LIFR: variants seen among roughly 807,000 people sequenced by gnomAD.
The protein encoded by LIFR is leukemia inhibitory factor receptor.
A neutral mutation model predicts 122.2 loss-of-function variants in LIFR; 84 were observed. That is an observed-to-expected ratio of 0.69 (90% CI 0.58 to 0.82). LIFR has a LOEUF of 0.82. Among genes scored for constraint, LIFR ranks in the 40% least tolerant of loss-of-function variants. LIFR has a pLI of 0.00. For missense variants in LIFR, 1,294 were observed against 1,311.6 expected (o/e 0.99, Z 0.21); for synonymous variants, 422 against 434.7 (o/e 0.97, Z 0.36).
chr5:38,571,529 CAA>C lies in LIFR; in HGVS notation c.-20+23730_-20+23731del, dbSNP rs11297745. Among the ~76,000 whole-genome samples, 1,448 of 74,672 alleles carry C rather than the reference CAA, an allele frequency of 0.019. 18 individuals are homozygous for C. The East Asian group carries it at 0.2, about 11-fold the overall frequency. The allele number at this position is 74,672 out of a possible 152,430, so 49.0% of individuals were successfully genotyped here. A position where few individuals can be genotyped will look rare whatever the true frequency, so the allele number is the denominator to read the frequency against. Reference sequence around the variant, plus strand: ...AAGATTGTGCCACTGCATTCCAGCTCAAAAAAAAAAAAAAAAAAAAAAGCACT... The same window carrying C: ...AAGATTGTGCCACTGCATTCCAGCTCAAAAAAAAAAAAAAAAAAAAGCACT... On this transcript the variant is annotated intron_variant, in intron 1 of 19. Transcript: ENST00000263409.
upstream of LIFR, chr5:38,557,447 T>C (rs976163212): frequency 6.5e-6 from 1 of 154,800 alleles, no homozygotes; most frequent in Non-Finnish European, 1.5e-5. Context: ...ATGTTTACGC[T>C]GTATGCCGGA....
intron 3 of LIFR, among the ~76,000 whole-genome samples, chr5:38,527,705 T>TG (rs1746769596): frequency 6.6e-6 from 1 of 152,162 alleles, no homozygotes; most frequent in African/African-American, 2.4e-5. Context: ...GCAACTCCCC[T>TG]GCTCCTCTGC....
rs137889185 is a variant in LIFR at position 38,573,500 on chromosome 5, A to C, written c.-20+21761T>G. 4.5e-4 allele frequency among the ~76,000 whole-genome samples: 69 copies of C among 152,338 alleles called. 1 individual carries two copies. In the East Asian group the frequency reaches 7.9e-3, roughly 17 times the overall value. On this transcript the variant is annotated intron_variant, in intron 1 of 19. Transcript: ENST00000263409. ...AACAAATATTAGCGACTGTTCCTAG[A>C]ATGAAAATCTACTGAAAGAACTAAC...
At chr5:38,539,061 C>T (rs544564172) in intron 1 of LIFR, among the ~76,000 whole-genome samples, 15 of 151,964 alleles carry the variant, frequency 9.9e-5, no homozygotes, top group Non-Finnish European at 1.3e-4. Context: ...CCCGTGTTCA[C>T]GCCATTCTCC....
Position 38,506,604 on chromosome 5 carries a change from A to G in LIFR, c.1020T>C (p.Asn340=). 6.2e-7 allele frequency: 1 copy of G among 1,613,650 alleles called. No individual in the cohort carries two copies. The highest frequency in any genetic ancestry group is 2.2e-5 in the East Asian group (1 of 44,868). Residue 340 remains asparagine (N), a synonymous_variant, in exon 8 of 20, where the codon AAT becomes AAC. Transcript: ENST00000453190. ...TTTCTTTTAAATCATGTGTCTCACA[A>G]TTCAGTTGTTGAGGAGTATCTGGTG... ...GYPPDTPQQL[N]CETHDLKEII... is the part of the protein sequence containing the mutation.
intron 8 of LIFR, 148 bp downstream of exon 8, chr5:38,506,352 ACTG>A: frequency 1.2e-6 from 1 of 848,492 alleles, no homozygotes; most frequent in Non-Finnish European, 1.9e-6. Context: ...ATGTGGCTGA[ACTG>A]CAGTGCTTAT....
intron 12 of LIFR, among the ~76,000 whole-genome samples, chr5:38,497,407 G>A (rs539172478): frequency 1.3e-5 from 2 of 152,312 alleles, no homozygotes; most frequent in South Asian, 2.1e-4. Flanking sequence ...AGCAGTAAGA[G>A]TACACAAAAA....
intron 12 of LIFR, 99 bp downstream of exon 12, chr5:38,499,414 G>C (rs866002118): frequency 1.9e-5 from 16 of 825,230 alleles, no homozygotes; most frequent in Middle Eastern, 4.5e-4. Flanking sequence ...ACAAAAGCCA[G>C]TCTGGGAAGT....
At chr5:38,510,760 T>C in intron 6 of LIFR, 42 bp from the exon 7 acceptor site, 1 of 1,528,332 alleles carries the variant, frequency 6.5e-7, no homozygotes, top group Non-Finnish European at 9.0e-7. Context: ...TATATAGAAG[T>C]ATTTTACATA....
chr5:38,598,227 TTTTTTATTTATTTATTTA>T (rs1232704148), upstream of LIFR, among the ~76,000 whole-genome samples: 1 of 84,806 alleles, frequency 1.2e-5, no homozygotes, highest in Non-Finnish European at 2.1e-5. Flanking sequence ...TTTTTTTTTT[TTTTTTATTTATTTATTTA>T]TTTTTTTTTT....
intron 12 of LIFR, among the ~76,000 whole-genome samples, chr5:38,498,601 GCATA>G (rs1326926895): frequency 6.6e-6 from 1 of 152,174 alleles, no homozygotes; most frequent in Non-Finnish European, 1.5e-5. Flanking sequence ...GGCACCATCA[GCATA>G]GATAATGAAG....
At chr5:38,521,284 A>C (rs1245226892) in intron 5 of LIFR, among the ~76,000 whole-genome samples, 1 of 152,170 alleles carries the variant, frequency 6.6e-6, no homozygotes, top group Non-Finnish European at 1.5e-5. Flanking sequence ...TACCTCCTGC[A>C]ACTTTACTAA....
Position 38,484,787 on chromosome 5 carries a change from C to A in LIFR, c.2579G>T (p.Arg860Leu). The A allele has an allele frequency of 1.9e-6, 3 of 1,610,600 alleles. No homozygotes were observed. The highest frequency in any genetic ancestry group is 2.5e-6 in the Non-Finnish European group (3 of 1,177,048). The stretch of plus-strand genomic sequence containing the variant: ...GCAGAACTATTACCATTCTCGTTTC[C>A]GATAGCAAAGGATACTTGTCACCAC... Reference protein sequence around the residue: ...VGVVTSILCYRKREWIKETFY... With the variant: ...VGVVTSILCYLKREWIKETFY... Residue 860 changes from arginine (R) to leucine (L), a missense_variant, in exon 18 of 20, where the codon CGG becomes CTG. Arg to Leu is a moderately radical substitution (Grantham distance 102, BLOSUM62 -2). Coordinates refer to ENST00000453190, the MANE Select transcript of LIFR (RefSeq NM_001127671.2).
At chr5:38,530,066 T>C (rs183988892) in intron 2 of LIFR, among the ~76,000 whole-genome samples, 229 of 152,306 alleles carry the variant, frequency 1.5e-3, no homozygotes, top group African/African-American at 5.1e-3. Flanking sequence ...TTCATTGATA[T>C]GACATTCTAA....
chr5:38,502,524 G>T (rs1745235026), intron 11 of LIFR, 113 bp downstream of exon 11: 2 of 873,532 alleles, frequency 2.3e-6, no homozygotes, highest in Admixed American at 3.7e-5. Context: ...CTCCCAAAGT[G>T]CTGGGATTAC....
At chr5:38,531,221 C>G (rs1237754605) in intron 1 of LIFR, among the ~76,000 whole-genome samples, 1 of 152,066 alleles carries the variant, frequency 6.6e-6, no homozygotes, top group Non-Finnish European at 1.5e-5. Flanking sequence ...TAGGGATCCC[C>G]CAGAGTAATG....
intron 5 of LIFR, among the ~76,000 whole-genome samples, chr5:38,522,839 C>G (rs1554023144): frequency 1.3e-5 from 2 of 152,072 alleles, no homozygotes; most frequent in Admixed American, 6.5e-5. Flanking sequence ...TGTAACTAAG[C>G]AAACTCCAAA....
At chr5:38,534,467 G>T (rs1321149491) in intron 1 of LIFR, among the ~76,000 whole-genome samples, 1 of 152,154 alleles carries the variant, frequency 6.6e-6, no homozygotes. Flanking sequence ...GGAACAAAGT[G>T]ATGTTTCAAG....
chr5:38,513,601 C>G (rs1745920210), intron 5 of LIFR, among the ~76,000 whole-genome samples: 1 of 152,238 alleles, frequency 6.6e-6, no homozygotes. Flanking sequence ...CCTTCTTCCT[C>G]TGCTCAGCTC....
Sources: allele counts gnomAD v4.1 joint callset (sites outside exome capture counted in the v4.1 genomes callset), GRCh38; gene constraint gnomAD v4.1.1; transcripts MANE v1.5; gene names NCBI Gene and HGNC (gene_info 2026-07-23, HGNC 2026-07-21).